CDC14A: variants seen among roughly 807,000 people sequenced by gnomAD.
CDC14A encodes the protein dual specificity protein phosphatase CDC14A.
In CDC14A, 53 loss-of-function variants were observed where a neutral mutation model predicts 74.4. That is an observed-to-expected ratio of 0.71 (90% CI 0.57 to 0.89). The LOEUF is 0.89. CDC14A is among the 40% of genes least tolerant of loss of function. The probability of loss-of-function intolerance (pLI) is 0.00; values close to 1 mark genes in which losing one functional copy is unlikely to be tolerated. For synonymous variants in CDC14A, 247 were observed against 258.4 expected, an observed-to-expected ratio of 0.96 and a Z score of 0.43; for missense variants, 646 against 713.7, an observed-to-expected ratio of 0.91 and a Z score of 1.08.
At chr1:100,390,234 G>T (rs1369204768) in intron 3 of CDC14A, among the ~76,000 whole-genome samples, 1 of 151,968 alleles carries the variant, frequency 6.6e-6, no homozygotes, top group African/African-American at 2.4e-5. Context: ...ATTAAAAGGG[G>T]GTTGTTATAT....
chr1:100,404,806 G>T (rs1351256117), intron 4 of CDC14A, among the ~76,000 whole-genome samples: 1 of 152,028 alleles, frequency 6.6e-6, no homozygotes, highest in African/African-American at 2.4e-5. Context: ...CTCCAGCCTG[G>T]GCAACAGAGC....
intron 3 of CDC14A, among the ~76,000 whole-genome samples, chr1:100,386,334 A>G (rs1181805231): frequency 6.6e-6 from 1 of 152,124 alleles, no homozygotes; most frequent in Non-Finnish European, 1.5e-5. Context: ...GACCCTCTCT[A>G]TTTTATATTT....
In CDC14A at chr1:100,498,162, A is replaced by C. The variant is rs977317605; in HGVS notation, c.1376A>C (p.Lys459Thr). Residue 459 changes from lysine (K) to threonine (T), a missense_variant, in exon 14 of 16, where the codon AAG becomes ACG. Coordinates refer to ENST00000336454, the MANE Select transcript of CDC14A (RefSeq NM_003672.4). Reference sequence around the variant, plus strand: ...GCACTGTCCCCTTCAGCAACGGCCAAGAGGATCAACAGAACTTCTTTGTCT... The same window carrying C: ...GCACTGTCCCCTTCAGCAACGGCCACGAGGATCAACAGAACTTCTTTGTCT... Reference protein sequence around the residue: ...KMALSPSATAKRINRTSLSSG... With the variant: ...KMALSPSATATRINRTSLSSG... 6.2e-7 allele frequency: 1 copy of C among 1,614,136 alleles called. No homozygotes were observed. Among genetic ancestry groups the C allele is most frequent in the South Asian group, 1.1e-5 (1 of 91,082 alleles).
rs1006702286 is a variant in CDC14A, at chr1:100,353,113, G to A, written c.49+110G>A. On this transcript the variant is annotated intron_variant, in intron 1 of 15. Transcript: ENST00000336454. Reference sequence around the variant, plus strand: ...AGGCTGCCAGTGTCCTGCAGCCGCTGCGCGCGCTCTCGTCCCCTCTAGGGA... The same window carrying A: ...AGGCTGCCAGTGTCCTGCAGCCGCTACGCGCGCTCTCGTCCCCTCTAGGGA... 4.1e-6 allele frequency: 5 copies of A among 1,227,120 alleles called. No individual in the cohort carries two copies. In the African/African-American group the frequency reaches 7.5e-5, roughly 18 times the overall value. The allele number at this position is 1,227,120 out of a possible 1,614,324, so 76.0% of individuals were successfully genotyped here. A position where few individuals can be genotyped will look rare whatever the true frequency, so the allele number is the denominator to read the frequency against.
chr1:100,415,903 A>G (rs1661479013), intron 4 of CDC14A, among the ~76,000 whole-genome samples: 1 of 152,214 alleles, frequency 6.6e-6, no homozygotes, highest in Non-Finnish European at 1.5e-5. Context: ...TTGAATGTAG[A>G]TATTGTTTTC....
chr1:100,483,412 A>G (rs915444554), intron 10 of CDC14A, among the ~76,000 whole-genome samples: 2 of 152,156 alleles, frequency 1.3e-5, no homozygotes, highest in Admixed American at 1.3e-4. Context: ...CTGTTGCTTT[A>G]AAAAATATCT....
At chr1:100,482,867 G>A (rs1669632045) in intron 10 of CDC14A, among the ~76,000 whole-genome samples, 2 of 151,994 alleles carry the variant, frequency 1.3e-5, no homozygotes, top group African/African-American at 4.8e-5. Context: ...TAGAGTACAT[G>A]TGCACAACGT....
Position 100,390,740 on chromosome 1 carries a change from T to C in CDC14A, c.225T>C (p.Ser75=). 6.2e-7 allele frequency: 1 copy of C among 1,608,760 alleles called. No homozygotes were observed. The highest frequency in any genetic ancestry group is 1.1e-5 in the South Asian group (1 of 91,000). The change falls in exon 4 of 16, where the codon AGT becomes AGC. Residue 75 remains serine (S), a synonymous_variant. Transcript: ENST00000336454. The part of the protein sequence containing the change: ...CKLNKKLKSY[S]LSRKKIVHYT... ...TTATCTCCTCTTTCTAGTCATACAG[T>C]TTGTCAAGAAAGAAAATAGTGCACT...
intron 4 of CDC14A, among the ~76,000 whole-genome samples, chr1:100,416,936 G>A (rs148039094): frequency 4.6e-5 from 7 of 152,086 alleles, no homozygotes; most frequent in South Asian, 2.1e-4. Context: ...CGTATAAAAC[G>A]CCCACTATTT....
chr1:100,491,702 G>A (rs2101403046), intron 11 of CDC14A, among the ~76,000 whole-genome samples: 1 of 147,432 alleles, frequency 6.8e-6, no homozygotes, highest in African/African-American at 2.5e-5. Context: ...CTGCCAAGTA[G>A]CTGGGATTAC....
At chr1:100,374,605 C>T (rs772587066) in intron 2 of CDC14A, among the ~76,000 whole-genome samples, 1 of 152,148 alleles carries the variant, frequency 6.6e-6, no homozygotes, top group Non-Finnish European at 1.5e-5. Context: ...AAATTTGGTG[C>T]CACCTGTAAT....
intron 9 of CDC14A, among the ~76,000 whole-genome samples, chr1:100,463,942 C>T (rs1667558891): frequency 6.6e-6 from 1 of 152,036 alleles, no homozygotes; most frequent in Non-Finnish European, 1.5e-5. Context: ...ACCCGGTTTC[C>T]CTCTCATTTT....
chr1:100,473,481 G>C (rs1173029527), intron 10 of CDC14A, among the ~76,000 whole-genome samples: 2 of 151,984 alleles, frequency 1.3e-5, no homozygotes, highest in Non-Finnish European at 2.9e-5. Flanking sequence ...CTGCCTCCTG[G>C]GTTCAAGTGA....
intron 3 of CDC14A, chr1:100,383,441 A>G (rs1311237810): frequency 6.6e-6 from 1 of 152,664 alleles, no homozygotes; most frequent in Non-Finnish European, 1.5e-5. Flanking sequence ...AATAAAAAAC[A>G]TAAACCATAT....
At chr1:100,351,923 G>A, upstream of CDC14A, 1 of 913,676 alleles carries the variant, frequency 1.1e-6, no homozygotes, top group Non-Finnish European at 1.7e-6. Context: ...GGGGGTGGCT[G>A]AAATGTTAGC....
rs1054719775 is a variant in CDC14A, at chr1:100,382,825, A to G, written c.216+5204A>G. On this transcript the variant is annotated intron_variant, in intron 3 of 15. Transcript: ENST00000336454. The stretch of plus-strand genomic sequence containing the variant: ...GTGGGTGGGTATCATGAAACCAACC[A>G]TTATATTGAAGCATTGGAAGTACCT... 2.0e-5 allele frequency among the ~76,000 whole-genome samples: 3 copies of G among 152,220 alleles called. No individual in the cohort carries two copies. In the East Asian group the frequency reaches 5.8e-4, roughly 29 times the overall value.
At chr1:100,376,009 A>G (rs569119837) in intron 2 of CDC14A, among the ~76,000 whole-genome samples, 248 of 152,262 alleles carry the variant, frequency 1.6e-3, no homozygotes, top group Middle Eastern at 3.4e-3. Flanking sequence ...GGACATGGAT[A>G]AAGCTGGAAA....
In CDC14A at chr1:100,412,725, T is replaced by TA. The variant is rs1553178979; in HGVS notation, c.310-11497_310-11496insA. 6.0e-5 allele frequency among the ~76,000 whole-genome samples: 5 copies of TA among 82,926 alleles called. No individual in the cohort carries two copies. The South Asian group carries it at 1.5e-3, about 25-fold the overall frequency. 54.4% of individuals were successfully genotyped at this position (82,926 alleles called of 152,430 possible). ...ATATATATATATATATATATATATT[T>TA]TATATATATATATTTTATATATATA... is the stretch of plus-strand genomic sequence containing the variant. On this transcript the variant is annotated intron_variant, in intron 4 of 15. Transcript: ENST00000336454.
upstream of CDC14A, among the ~76,000 whole-genome samples, chr1:100,349,322 T>G (rs192916929): frequency 1.2e-3 from 189 of 152,380 alleles, no homozygotes; most frequent in African/African-American, 4.5e-3. Flanking sequence ...AGTATTTCCT[T>G]TATATGTGAA....
Sources: allele counts gnomAD v4.1 joint callset (sites outside exome capture counted in the v4.1 genomes callset), GRCh38; gene constraint gnomAD v4.1.1; transcripts MANE v1.5; gene names NCBI Gene and HGNC (gene_info 2026-07-23, HGNC 2026-07-21).